The following EPB41L4B variants were observed in gnomAD, a reference collection of about 807,000 sequenced individuals.
EPB41L4B encodes band 4.1-like protein 4B.
In EPB41L4B, 30 loss-of-function variants were observed where a neutral mutation model predicts 112.5. The observed-to-expected ratio is 0.27, with a 90% CI of 0.20 to 0.36. The LOEUF is 0.36. EPB41L4B is among the 10% of genes least tolerant of loss of function. The pLI is 1.00. For missense variants in EPB41L4B, 1,024 were observed against 1,133.3 expected (o/e 0.90, Z 1.38); for synonymous variants, 408 against 439.7 (o/e 0.93, Z 0.90).
Position 109,173,514 on chromosome 9 carries a change from T to A in EPB41L4B, c.*1040A>T, listed in dbSNP as rs7873921. On this transcript the variant is annotated 3_prime_UTR_variant, in exon 26 of 26. Coordinates refer to ENST00000374566, the MANE Select transcript of EPB41L4B (RefSeq NM_019114.5). ...TGGGGTGAAGTGAGGTTACCCATGTTACATGGATATAAAGACATTTAAATT... is the reference window on the plus strand; with the variant it reads ...TGGGGTGAAGTGAGGTTACCCATGTAACATGGATATAAAGACATTTAAATT... 63,254 of 152,322 alleles carry A rather than the reference T, an allele frequency of 0.42. 13,535 individuals carry two copies. Among genetic ancestry groups the A allele is most frequent in the East Asian group, 0.61 (3,151 of 5,176 alleles). The allele number at this position is 152,322 out of a possible 1,614,324, so 9.4% of individuals were successfully genotyped here.
intron 1 of EPB41L4B, among the ~76,000 whole-genome samples, chr9:109,311,310 G>A (rs1241822463): frequency 6.6e-6 from 1 of 152,162 alleles, no homozygotes; most frequent in Non-Finnish European, 1.5e-5. Flanking sequence ...TGACTTCAAC[G>A]CACCTGAGCG....
rs1314914568 is a variant in EPB41L4B at position 109,173,306 on chromosome 9, G to T, written c.*1248C>A. ...CCCAAAGATTGGATCTTTCTAGAAA[G>T]CAATCTGGCAATATAAAACAAGAGC... is the stretch of plus-strand genomic sequence containing the variant. On this transcript the variant is annotated 3_prime_UTR_variant, in exon 26 of 26. Coordinates refer to ENST00000374566, the MANE Select transcript of EPB41L4B (RefSeq NM_019114.5). 1.3e-5 allele frequency: 2 copies of T among 152,500 alleles called. No individual in the cohort carries two copies. The highest frequency in any genetic ancestry group is 2.9e-5 in the Non-Finnish European group (2 of 68,024). The allele number at this position is 152,500 out of a possible 1,614,324, so 9.4% of individuals were successfully genotyped here.
intron 1 of EPB41L4B, among the ~76,000 whole-genome samples, chr9:109,303,884 C>T (rs1837074333): frequency 6.6e-6 from 1 of 152,034 alleles, no homozygotes; most frequent in South Asian, 2.1e-4. Context: ...AGTGCTTTTC[C>T]CATTATGTTT....
intron 16 of EPB41L4B, among the ~76,000 whole-genome samples, chr9:109,214,303 T>C (rs1179752707): frequency 6.6e-6 from 1 of 152,204 alleles, no homozygotes; most frequent in Non-Finnish European, 1.5e-5. Flanking sequence ...CCACTACTTC[T>C]CCTTCCAGCT....
At position 109,174,447 on chromosome 9, in the gene EPB41L4B, G is replaced by T. The variant is rs755786289; in HGVS notation, c.*107C>A. 1.2e-5 allele frequency: 13 copies of T among 1,110,628 alleles called. 1 individual carries two copies. Among genetic ancestry groups the T allele is most frequent in the African/African-American group, 7.7e-5 (5 of 65,132 alleles). The allele number at this position is 1,110,628 out of a possible 1,614,324, so 68.8% of individuals were successfully genotyped here. On this transcript the variant is annotated 3_prime_UTR_variant, in exon 26 of 26. Coordinates refer to ENST00000374566, the MANE Select transcript of EPB41L4B (RefSeq NM_019114.5). ...TTCAACTAACCATGGAGACCTGGGC[G>T]AACAGAGCACACACTTGTATGCTGT...
intron 20 of EPB41L4B, among the ~76,000 whole-genome samples, chr9:109,196,904 C>T (rs1162947687): frequency 6.6e-6 from 1 of 152,098 alleles, no homozygotes. Flanking sequence ...GTTCACAGCA[C>T]CTGAATGTTA....
intron 2 of EPB41L4B, among the ~76,000 whole-genome samples, chr9:109,279,214 C>T (rs1964426): frequency 1.5e-3 from 217 of 145,578 alleles, no homozygotes; most frequent in African/African-American, 2.0e-3. Flanking sequence ...TTTTTTTTTT[C>T]AGACAGGGTC....
intron 24 of EPB41L4B, among the ~76,000 whole-genome samples, chr9:109,178,746 A>C (rs1831938635): frequency 6.6e-6 from 1 of 151,926 alleles, no homozygotes; most frequent in African/African-American, 2.4e-5. Flanking sequence ...CCAGCCTTTG[A>C]TGCCATTTTT....
intron 2 of EPB41L4B, among the ~76,000 whole-genome samples, chr9:109,271,078 T>A (rs919294662): frequency 6.6e-6 from 1 of 152,190 alleles, no homozygotes; most frequent in Non-Finnish European, 1.5e-5. Context: ...CTCAAGCAAT[T>A]TCAGGTTTTA....
intron 17 of EPB41L4B, among the ~76,000 whole-genome samples, chr9:109,213,356 G>A (rs1833248879): frequency 6.6e-6 from 1 of 152,120 alleles, no homozygotes. Context: ...TCTACAATGT[G>A]CCAGGCATTG....
chr9:109,264,671 G>GT (rs1414022407), intron 5 of EPB41L4B, among the ~76,000 whole-genome samples: 2 of 152,224 alleles, frequency 1.3e-5, no homozygotes, highest in East Asian at 3.9e-4. Context: ...TACTAATAAC[G>GT]TATCTTGCTT....
In EPB41L4B at chr9:109,194,263, G is replaced by A. The variant is rs774746564; in HGVS notation, c.2180C>T (p.Pro727Leu). The A allele has an allele frequency of 5.6e-6, 9 of 1,614,210 alleles. No homozygotes were observed. The East Asian group carries it at 2.0e-4, about 36-fold the overall frequency. The change falls in exon 21 of 26, where the codon CCT (proline) becomes CTT (leucine). Residue 727 changes from proline (P) to leucine (L), a missense_variant. Transcript: ENST00000374566. ...PSPKVQNVSS[P>L]HKSEGKGLLS... ...CAGGCCTTTGCCTTCTGACTTGTGA[G>A]GCGAGCTGACATTCTGGACCTTGGG... is the stretch of plus-strand genomic sequence containing the variant.
Position 109,320,122 on chromosome 9 carries a change from G to T in EPB41L4B, c.306+19C>A. 1.4e-6 allele frequency: 2 copies of T among 1,436,134 alleles called. No individual in the cohort carries two copies. Among genetic ancestry groups the T allele is most frequent in the African/African-American group, 1.5e-5 (1 of 67,132 alleles). The allele number at this position is 1,436,134 out of a possible 1,614,324, so 89.0% of individuals were successfully genotyped here. On this transcript the variant is annotated intron_variant, in intron 1 of 25. Coordinates refer to ENST00000374566, the MANE Select transcript of EPB41L4B (RefSeq NM_019114.5). ...AGGGGCGCGAGGTGCCAGTGCCCCA[G>T]ACTGGCCCCGTCACTCACCGGCAGG...
chr9:109,268,156 G>T (rs780237883), intron 3 of EPB41L4B, among the ~76,000 whole-genome samples: 7 of 152,156 alleles, frequency 4.6e-5, no homozygotes, highest in African/African-American at 1.4e-4. Flanking sequence ...TGGCAGAGGC[G>T]TCTGATTTCA....
At chr9:109,264,039 T>TAGAG (rs370405426) in intron 5 of EPB41L4B, among the ~76,000 whole-genome samples, 60 of 145,628 alleles carry the variant, frequency 4.1e-4, no homozygotes, top group Admixed American at 1.0e-3. Context: ...GAGAGAGAGG[T>TAGAG]AGAGAGAGAG....
At chr9:109,215,271 CT>C (rs1833321231) in intron 16 of EPB41L4B, among the ~76,000 whole-genome samples, 1 of 151,774 alleles carries the variant, frequency 6.6e-6, no homozygotes, top group South Asian at 2.1e-4. Context: ...CACTTCAGTA[CT>C]TTTCTTTTCT....
chr9:109,201,361 G>C (rs7021721), intron 19 of EPB41L4B, among the ~76,000 whole-genome samples: 39,717 of 149,878 alleles, frequency 0.26, 5,540 homozygotes, highest in East Asian at 0.38. Context: ...GAGGTGGGAG[G>C]ATCACCTGAG....
rs1410240547 is a variant in EPB41L4B, at chr9:109,173,090, T to C, written c.*1464A>G. 6.6e-5 allele frequency: 10 copies of C among 152,552 alleles called. No homozygotes were observed. The highest frequency in any genetic ancestry group is 5.2e-4 in the Admixed American group (8 of 15,278). The allele number at this position is 152,552 out of a possible 1,614,324, so 9.4% of individuals were successfully genotyped here. On this transcript the variant is annotated 3_prime_UTR_variant, in exon 26 of 26. Coordinates refer to ENST00000374566, the MANE Select transcript of EPB41L4B (RefSeq NM_019114.5). ...CTAGCAATTAATGAAATAAAACAAC[T>C]CTTCAAGAACAACTATACATACCTA... is the stretch of plus-strand genomic sequence containing the variant.
intron 15 of EPB41L4B, among the ~76,000 whole-genome samples, chr9:109,220,393 G>A (rs1297064323): frequency 6.6e-6 from 1 of 152,198 alleles, no homozygotes; most frequent in Non-Finnish European, 1.5e-5. Flanking sequence ...TTAAGCAAGG[G>A]AGTTAGATTT....
Sources: gnomAD v4.1 joint callset for allele counts (sites outside exome capture counted in the v4.1 genomes callset) on GRCh38, gnomAD v4.1.1 for gene constraint, MANE v1.5 for transcripts, NCBI Gene and HGNC (gene_info 2026-07-23, HGNC 2026-07-21) for gene names.